The following STAT3 variants were observed in gnomAD, a reference collection of about 807,000 sequenced individuals.
STAT3 encodes signal transducer and activator of transcription 3, also known as DNA-binding protein APRF.
Under a neutral mutation model 114.3 loss-of-function variants are expected in STAT3, and 7 were observed. The observed-to-expected ratio is 0.06, with a 90% CI of 0.03 to 0.11. The LOEUF (loss-of-function observed/expected upper bound fraction) is 0.11. Among genes scored for constraint, STAT3 ranks in the 10% least tolerant of loss-of-function variants. The probability of loss-of-function intolerance (pLI) is 1.00; values close to 1 mark genes in which losing one functional copy is unlikely to be tolerated. For synonymous variants in STAT3, 331 were observed against 354.5 expected (o/e 0.93, Z 0.74); for missense variants, 364 against 960.9 (o/e 0.38, Z 8.21).
At chr17:42,383,128 C>T (rs2084894596) in intron 1 of STAT3, among the ~76,000 whole-genome samples, 2 of 152,054 alleles carry the variant, frequency 1.3e-5, no homozygotes, top group African/African-American at 4.8e-5. Flanking sequence ...AGGATCTTGG[C>T]TCACTGCAGC....
rs531760487 is a variant in STAT3, at chr17:42,313,743, C to T, written c.*2002G>A. 6.4e-5 allele frequency: 15 copies of T among 232,832 alleles called. No homozygotes were observed. Among genetic ancestry groups the T allele is most frequent in the Non-Finnish European group, 1.1e-4 (13 of 117,514 alleles). The allele number at this position is 232,832 out of a possible 1,614,324, so 14.4% of individuals were successfully genotyped here. On this transcript the variant is annotated 3_prime_UTR_variant, in exon 24 of 24. Transcript: ENST00000264657. ...CGCCCTAGGTCCCTATGATTTAAAC[C>T]CAATGGTAAGCCCAAGTCTCACCTT...
chr17:42,385,794 AT>A (rs1356993921), intron 1 of STAT3, among the ~76,000 whole-genome samples: 5 of 152,220 alleles, frequency 3.3e-5, no homozygotes, highest in Admixed American at 3.3e-4. Context: ...TCATTAGTAA[AT>A]AGCTAAATTC....
chr17:42,373,569 AAAT>A (rs1256403745), intron 1 of STAT3, among the ~76,000 whole-genome samples: 1 of 151,706 alleles, frequency 6.6e-6, no homozygotes, highest in African/African-American at 2.4e-5. Context: ...AATAAAATAA[AAAT>A]AATAAAGTCT....
In STAT3 at chr17:42,337,785, G is replaced by T; in HGVS notation, c.623C>A (p.Thr208Asn). ...TACTCTCCGCATCTGGTCCAGCGCA[G>T]TGAGCATCTGTTCCAGCTGCTGCAT... ...QKMQQLEQML[T>N]ALDQMRRSIV... Residue 208 changes from threonine to asparagine, a missense_variant, in exon 7 of 24, where the codon ACT becomes AAT. Around this residue, in one of 5 missense-constraint regions of STAT3, gnomAD observed 294 missense variants for 745.1 expected, o/e 0.39. Coordinates refer to ENST00000264657, the MANE Select transcript of STAT3 (RefSeq NM_139276.3). This position sits in a 1 kb window ranked among gnomAD's most constrained non-coding sequence, Gnocchi z 4.0. 6.2e-7 allele frequency: 1 copy of T among 1,614,246 alleles called. No individual in the cohort carries two copies. Among genetic ancestry groups the T allele is most frequent in the Non-Finnish European group, 8.5e-7 (1 of 1,180,042 alleles).
chr17:42,328,000 C>T (rs895010899), intron 14 of STAT3, among the ~76,000 whole-genome samples: 8 of 149,816 alleles, frequency 5.3e-5, no homozygotes, highest in African/African-American at 1.5e-4. Flanking sequence ...GAGCTGAGAT[C>T]GCACCACTGC....
chr17:42,369,896 C>A (rs986477035), intron 1 of STAT3, among the ~76,000 whole-genome samples: 7 of 151,862 alleles, frequency 4.6e-5, no homozygotes, highest in Non-Finnish European at 8.8e-5. Flanking sequence ...TGGACTCAAG[C>A]GATCCTCCTG....
Position 42,324,900 on chromosome 17 carries a change from A to G in STAT3, c.1465-54T>C, listed in dbSNP as rs2081638846. 1 of 1,614,188 alleles carries G rather than the reference A, an allele frequency of 6.2e-7. No individual in the cohort carries two copies. The highest frequency in any genetic ancestry group is 8.5e-7 in the Non-Finnish European group (1 of 1,180,024). ...AGATGAGGGATGGTGCTCATTGTCT[A>G]TACTAGGTACCCCTAAGTCGCAAGA... On this transcript the variant is annotated intron_variant, in intron 16 of 23. Transcript: ENST00000264657. This position sits in a 1 kb window ranked among gnomAD's most constrained non-coding sequence, Gnocchi z 4.5.
chr17:42,333,589 A>G lies in STAT3; in HGVS notation c.1049+84T>C, dbSNP rs1339040639. 4.7e-6 allele frequency: 7 copies of G among 1,495,744 alleles called. No homozygotes were observed. Among genetic ancestry groups the G allele is most frequent in the Admixed American group, 1.7e-5 (1 of 58,320 alleles). 92.7% of individuals were successfully genotyped at this position (1,495,744 alleles called of 1,614,324 possible). A position where few individuals can be genotyped will look rare whatever the true frequency, so the allele number is the denominator to read the frequency against. ...GCCTGTGACACCACACCTGGAAAGA[A>G]TGACCCTGGCCACCAACTCTACCCT... On this transcript the variant is annotated intron_variant, in intron 10 of 23. Coordinates refer to ENST00000264657, the MANE Select transcript of STAT3 (RefSeq NM_139276.3). This position sits in a 1 kb window ranked among gnomAD's most constrained non-coding sequence, Gnocchi z 5.2.
chr17:42,377,025 AAT>A (rs1300945201), intron 1 of STAT3, among the ~76,000 whole-genome samples: 1 of 152,204 alleles, frequency 6.6e-6, no homozygotes, highest in East Asian at 1.9e-4. Flanking sequence ...AAACATTAAA[AAT>A]ATATGTGTAC....
rs2081192371 is a variant in STAT3, at chr17:42,314,847, GTTTC to G, written c.*894_*897del. ...AGCACCAAGGAGGCTGTTAACTGAA[GTTTC>G]TTTTTTTTTTTTTTTTTTTTGAGAC... On this transcript the variant is annotated 3_prime_UTR_variant, in exon 24 of 24. Transcript: ENST00000264657. The G allele has an allele frequency of 6.1e-6, 1 of 165,016 alleles. No homozygotes were observed. Among genetic ancestry groups the G allele is most frequent in the Admixed American group, 6.7e-5 (1 of 14,858 alleles). 10.2% of individuals were successfully genotyped at this position (165,016 alleles called of 1,614,324 possible). A position where few individuals can be genotyped will look rare whatever the true frequency, so the allele number is the denominator to read the frequency against.
At chr17:42,328,892 G>A (rs145133747) in intron 14 of STAT3, among the ~76,000 whole-genome samples, 1 of 152,100 alleles carries the variant, frequency 6.6e-6, no homozygotes, top group African/African-American at 2.4e-5. Flanking sequence ...AGAAAATAAG[G>A]GGGATAAAGA....
intron 21 of STAT3, among the ~76,000 whole-genome samples, chr17:42,321,641 C>G (rs62075760): frequency 6.6e-6 from 1 of 152,100 alleles, no homozygotes; most frequent in Non-Finnish European, 1.5e-5. Flanking sequence ...TTCTTCAGAC[C>G]ATCTGGCACA....
At chr17:42,332,298 G>C (rs1321085632) in intron 10 of STAT3, among the ~76,000 whole-genome samples, 2 of 149,254 alleles carry the variant, frequency 1.3e-5, no homozygotes, top group Non-Finnish European at 3.0e-5. Context: ...CCAGCACTTT[G>C]GGAGGCCAAG....
At chr17:42,365,607 A>G (rs2083735693) in intron 1 of STAT3, among the ~76,000 whole-genome samples, 2 of 151,720 alleles carry the variant, frequency 1.3e-5, no homozygotes, top group South Asian at 4.2e-4. Flanking sequence ...AAAAAAATTC[A>G]TAATTTTAAA....
intron 1 of STAT3, among the ~76,000 whole-genome samples, chr17:42,355,094 A>C (rs1311822086): frequency 6.6e-6 from 1 of 152,190 alleles, no homozygotes; most frequent in East Asian, 1.9e-4. Context: ...GCTTTACTGT[A>C]ACTGTTTTAC....
intron 1 of STAT3, among the ~76,000 whole-genome samples, chr17:42,379,557 C>T (rs1195040600): frequency 6.6e-6 from 1 of 152,182 alleles, no homozygotes; most frequent in Non-Finnish European, 1.5e-5. Flanking sequence ...CGGGATGCCT[C>T]CTCACTCCCA....
intron 21 of STAT3, among the ~76,000 whole-genome samples, chr17:42,320,193 G>A (rs1258165230): frequency 6.6e-6 from 1 of 152,280 alleles, no homozygotes; most frequent in East Asian, 1.9e-4. Flanking sequence ...GACAGGAAGT[G>A]AGTAACTCTT....
At chr17:42,372,683 GT>G (rs1249884691) in intron 1 of STAT3, among the ~76,000 whole-genome samples, 1 of 152,018 alleles carries the variant, frequency 6.6e-6, no homozygotes, top group Non-Finnish European at 1.5e-5. Context: ...GAAATGTAAT[GT>G]AAACTATGGA....
intron 1 of STAT3, among the ~76,000 whole-genome samples, chr17:42,353,728 A>G (rs1273447050): frequency 6.6e-6 from 1 of 152,162 alleles, no homozygotes; most frequent in African/African-American, 2.4e-5. Flanking sequence ...ACAAGCCACA[A>G]TGTTCAGCTA....
Sources: gnomAD v4.1 joint callset for allele counts (sites outside exome capture counted in the v4.1 genomes callset) on GRCh38, gnomAD v4.1.1 for gene constraint, gnomAD v4.1.1 regional missense constraint, Gnocchi (gnomAD v3.1) non-coding constraint, MANE v1.5 for transcripts, NCBI Gene and HGNC (gene_info 2026-07-23, HGNC 2026-07-21) for gene names.